Variants in SLC24A3 observed in about 807,000 individuals in gnomAD.
SLC24A3 encodes the protein solute carrier family 24 member 3.
SLC24A3 carries 28 observed loss-of-function variants against 75.8 expected under a neutral mutation model. The ratio of observed to expected loss-of-function variants is 0.37; its 90% CI spans 0.27 to 0.51. The LOEUF (loss-of-function observed/expected upper bound fraction) is 0.51. Among genes scored for constraint, SLC24A3 ranks in the 20% least tolerant of loss-of-function variants. SLC24A3 has a pLI of 0.94. For synonymous variants in SLC24A3, 372 were observed against 334.1 expected (o/e 1.11, Z -1.24); for missense variants, 663 against 847.8 (o/e 0.78, Z 2.71).
At chr20:19,265,395 C>G (rs1983134738) in intron 1 of SLC24A3, among the ~76,000 whole-genome samples, 1 of 152,148 alleles carries the variant, frequency 6.6e-6, no homozygotes, top group African/African-American at 2.4e-5. Flanking sequence ...GACATTCATG[C>G]AAAGAAAAGA....
intron 6 of SLC24A3, among the ~76,000 whole-genome samples, chr20:19,627,933 C>T (rs1358347908): frequency 2.0e-5 from 3 of 151,980 alleles, no homozygotes; most frequent in African/African-American, 7.2e-5. Context: ...AGTTGTGGCT[C>T]ACTCCTGTAA....
intron 9 of SLC24A3, among the ~76,000 whole-genome samples, chr20:19,676,304 T>C (rs1200110385): frequency 6.6e-6 from 1 of 152,148 alleles, no homozygotes; most frequent in Non-Finnish European, 1.5e-5. Context: ...CCGTACCAAA[T>C]GTGGAAGCTA....
intron 6 of SLC24A3, among the ~76,000 whole-genome samples, chr20:19,614,837 G>A (rs6081683): frequency 0.16 from 23,987 of 152,174 alleles, 1,919 homozygotes; most frequent in East Asian, 0.26. Context: ...CAATAATGAG[G>A]CTGGATTAGA....
At chr20:19,325,772 A>G (rs1189205368) in intron 2 of SLC24A3, among the ~76,000 whole-genome samples, 1 of 62,500 alleles carries the variant, frequency 1.6e-5, no homozygotes, top group Non-Finnish European at 2.6e-5. Flanking sequence ...ATACATATAT[A>G]TATACATATA....
At chr20:19,652,143 G>C (rs969425502) in intron 6 of SLC24A3, among the ~76,000 whole-genome samples, 1 of 152,098 alleles carries the variant, frequency 6.6e-6, no homozygotes, top group African/African-American at 2.4e-5. Flanking sequence ...CTGCTTTCCA[G>C]CTTCAAAAAT....
intron 2 of SLC24A3, among the ~76,000 whole-genome samples, chr20:19,417,564 T>G (rs1296678628): frequency 6.6e-6 from 1 of 152,134 alleles, no homozygotes; most frequent in African/African-American, 2.4e-5. Flanking sequence ...TGAGAAACCT[T>G]GAAAGCTTCA....
At chr20:19,538,480 C>T (rs1028368419) in intron 3 of SLC24A3, among the ~76,000 whole-genome samples, 3 of 152,164 alleles carry the variant, frequency 2.0e-5, no homozygotes, top group Non-Finnish European at 4.4e-5. Context: ...ACTTGAACTT[C>T]ATAGATGAGA....
chr20:19,555,661 G>A (rs2030770623), intron 3 of SLC24A3, among the ~76,000 whole-genome samples: 1 of 152,078 alleles, frequency 6.6e-6, no homozygotes. Context: ...ATTTGAAGAC[G>A]ATTAACAGAA....
At chr20:19,285,824 T>C (rs1459938406) in intron 2 of SLC24A3, among the ~76,000 whole-genome samples, 5 of 152,204 alleles carry the variant, frequency 3.3e-5, no homozygotes, top group Non-Finnish European at 1.5e-5. Flanking sequence ...AAATGTAATA[T>C]TGAAGATGGT....
At chr20:19,639,946 C>T (rs1258092096) in intron 6 of SLC24A3, among the ~76,000 whole-genome samples, 2 of 152,266 alleles carry the variant, frequency 1.3e-5, no homozygotes, top group African/African-American at 2.4e-5. Flanking sequence ...GCTGCCAAGA[C>T]CACGCCCACC....
In SLC24A3 at chr20:19,610,678, G is replaced by A. The variant is rs767035132; in HGVS notation, c.612+25134G>A. On this transcript the variant is annotated intron_variant, in intron 6 of 16. Transcript: ENST00000328041. ...CAACCAAAGGTGTGTTATCAAGCAG[G>A]TCACTGCTCTGGACACCAAGGTTTG... 2.0e-5 allele frequency among the ~76,000 whole-genome samples: 3 copies of A among 152,238 alleles called. 1 individual carries two copies. Among genetic ancestry groups the A allele is most frequent in the Non-Finnish European group, 4.4e-5 (3 of 68,046 alleles).
chr20:19,682,728 A>C (rs2032629098), intron 10 of SLC24A3, among the ~76,000 whole-genome samples: 2 of 152,242 alleles, frequency 1.3e-5, no homozygotes, highest in Non-Finnish European at 2.9e-5. Context: ...GACAGGTGTT[A>C]TTAGTATATT....
intron 1 of SLC24A3, among the ~76,000 whole-genome samples, chr20:19,213,659 C>G (rs1297373169): frequency 6.6e-6 from 1 of 152,200 alleles, no homozygotes; most frequent in Non-Finnish European, 1.5e-5. Context: ...CAGTGGACCA[C>G]GCATCACACT....
intron 2 of SLC24A3, among the ~76,000 whole-genome samples, chr20:19,301,111 C>T (rs889231240): frequency 9.9e-5 from 15 of 152,192 alleles, no homozygotes; most frequent in African/African-American, 3.4e-4. Flanking sequence ...CCGTGGAAGG[C>T]AGGTCCCTCT....
At chr20:19,402,554 T>G (rs1164183900) in intron 2 of SLC24A3, among the ~76,000 whole-genome samples, 1 of 152,110 alleles carries the variant, frequency 6.6e-6, no homozygotes, top group African/African-American at 2.4e-5. Context: ...GGGCCAACAT[T>G]GAAAGAAGTT....
chr20:19,288,464 T>G (rs745831378), intron 2 of SLC24A3, among the ~76,000 whole-genome samples: 20 of 152,204 alleles, frequency 1.3e-4, no homozygotes, highest in Non-Finnish European at 2.5e-4. Context: ...TGGTGAGTGG[T>G]GTCTGGAATC....
chr20:19,541,398 T>A lies in SLC24A3; in HGVS notation c.348+25834T>A, dbSNP rs6112452. Among the ~76,000 whole-genome samples the A allele has an allele frequency of 5.3e-3, 806 of 152,336 alleles. 3 individuals carry two copies. The highest frequency in any genetic ancestry group is 9.7e-3 in the South Asian group (47 of 4,824). On this transcript the variant is annotated intron_variant, in intron 3 of 16. Coordinates refer to ENST00000328041, the MANE Select transcript of SLC24A3 (RefSeq NM_020689.4). ...TTTCCCACTTTTAGGAAAGCCCATG[T>A]CCAGGAGCAGCCTCCCTTTTGTTGC...
chr20:19,458,999 T>G (rs1170266617), intron 2 of SLC24A3, among the ~76,000 whole-genome samples: 1 of 152,164 alleles, frequency 6.6e-6, no homozygotes, highest in African/African-American at 2.4e-5. Flanking sequence ...AGTAGTGTTA[T>G]AGTCAGATTT....
intron 1 of SLC24A3, among the ~76,000 whole-genome samples, chr20:19,221,209 C>T (rs1417842372): frequency 1.3e-5 from 2 of 152,120 alleles, no homozygotes; most frequent in African/African-American, 4.8e-5. Flanking sequence ...AGGTGCGAGC[C>T]CTCACACCTG....
Sources: gnomAD v4.1 joint callset for allele counts (sites outside exome capture counted in the v4.1 genomes callset) on GRCh38, gnomAD v4.1.1 for gene constraint, MANE v1.5 for transcripts, NCBI Gene and HGNC (gene_info 2026-07-23, HGNC 2026-07-21) for gene names.